THOC7: variants seen among roughly 807,000 people sequenced by gnomAD.
The protein encoded by THOC7 is NIF3L1-binding protein 1.
Under a neutral mutation model 33.1 loss-of-function variants are expected in THOC7, and 22 were observed. The observed-to-expected ratio is 0.66, with a 90% CI of 0.47 to 0.95. THOC7 has a LOEUF of 0.95. Ranked by LOEUF, THOC7 falls within the 40% of genes least tolerant of loss-of-function variation. The pLI, the probability that THOC7 is intolerant of heterozygous loss-of-function variation, is 0.00. For synonymous variants in THOC7, 77 were observed against 76.8 expected, an observed-to-expected ratio of 1.00 and a Z score of -0.01; for missense variants, 184 against 245.3, an observed-to-expected ratio of 0.75 and a Z score of 1.67.
rs1209685152 is a variant in THOC7 at position 63,860,184 on chromosome 3, G to A, written c.19+3588C>T. Among the ~76,000 whole-genome samples the A allele has an allele frequency of 2.0e-5, 3 of 151,780 alleles. No homozygotes were observed. In the East Asian group the frequency reaches 5.8e-4, roughly 29 times the overall value. ...GAGATGAGTAGCTGAGACTACAGGT[G>A]CACACCACCACACACGCCTGGCTAA... On this transcript the variant is annotated intron_variant, in intron 1 of 7. Transcript: ENST00000295899.
At chr3:63,852,653 G>A (rs1702040604) in intron 1 of THOC7, among the ~76,000 whole-genome samples, 1 of 152,170 alleles carries the variant, frequency 6.6e-6, no homozygotes, top group African/African-American at 2.4e-5. Context: ...GATTTTGGGA[G>A]TCACACCAGT....
At chr3:63,863,675 C>T in intron 1 of THOC7, 97 bp downstream of exon 1, 1 of 1,235,598 alleles carries the variant, frequency 8.1e-7, no homozygotes, top group Non-Finnish European at 1.0e-6. Flanking sequence ...GCCGGGGAGG[C>T]CGAGGGGTTC....
chr3:63,838,585 T>A, intron 2 of THOC7, 86 bp from the exon 3 acceptor site: 1 of 1,297,140 alleles, frequency 7.7e-7, no homozygotes, highest in Non-Finnish European at 1.1e-6. Context: ...TATTTGCTAA[T>A]TAAATTATAG....
At chr3:63,839,946 T>C (rs1191901236) in intron 1 of THOC7, among the ~76,000 whole-genome samples, 173 bp from the exon 2 acceptor site, 1 of 152,208 alleles carries the variant, frequency 6.6e-6, no homozygotes, top group Non-Finnish European at 1.5e-5. Context: ...AATTTTATGT[T>C]ATGCATAGTT....
chr3:63,863,900 AGGC>A, upstream of THOC7: 1 of 1,101,692 alleles, frequency 9.1e-7, no homozygotes, highest in African/African-American at 1.7e-5. Flanking sequence ...ATGGAGGAGG[AGGC>A]GGCGGCGCCC....
At chr3:63,856,193 G>T (rs1319890499) in intron 1 of THOC7, among the ~76,000 whole-genome samples, 1 of 152,022 alleles carries the variant, frequency 6.6e-6, no homozygotes, top group Non-Finnish European at 1.5e-5. Context: ...GCTAAAAATT[G>T]AAACAACTGA....
Position 63,838,535 on chromosome 3 carries a change from T to C in THOC7, c.138-36A>G, listed in dbSNP as rs764675681. On this transcript the variant is annotated intron_variant, in intron 2 of 7. Transcript: ENST00000295899. ...AGAAAGAAAACCAAAATAAAGATAT[T>C]TGTGGACTGACAAAAGTGAACTGTT... 2.5e-5 allele frequency: 40 copies of C among 1,569,818 alleles called. No individual in the cohort carries two copies. The highest frequency in any genetic ancestry group is 1.8e-4 in the East Asian group (8 of 43,278).
chr3:63,857,611 A>G lies in THOC7; in HGVS notation c.19+6161T>C, dbSNP rs188092652. 2.0e-5 allele frequency among the ~76,000 whole-genome samples: 3 copies of G among 152,304 alleles called. No homozygotes were observed. In the East Asian group the frequency reaches 5.8e-4, roughly 29 times the overall value. On this transcript the variant is annotated intron_variant, in intron 1 of 7. Transcript: ENST00000295899. ...CAAAAAGCTCAAAGCCATTAAAACA[A>G]TTTTTAAGGTCAACAATATTAAGGA... is the stretch of plus-strand genomic sequence containing the variant.
intron 1 of THOC7, among the ~76,000 whole-genome samples, chr3:63,856,884 A>G (rs976366739): frequency 1.3e-5 from 2 of 152,048 alleles, no homozygotes; most frequent in Admixed American, 6.6e-5. Flanking sequence ...CGCCCAGCTA[A>G]TTCTTTTGTA....
At chr3:63,858,435 T>C (rs1346330336) in intron 1 of THOC7, among the ~76,000 whole-genome samples, 3 of 152,096 alleles carry the variant, frequency 2.0e-5, no homozygotes, top group African/African-American at 7.2e-5. Context: ...AACAAGTACA[T>C]ATTCATGCAT....
chr3:63,856,793 C>A (rs1295595414), intron 1 of THOC7, among the ~76,000 whole-genome samples: 4 of 152,066 alleles, frequency 2.6e-5, no homozygotes, highest in Admixed American at 2.6e-4. Flanking sequence ...TCTCGGCTCA[C>A]TGCAAGCTCC....
At chr3:63,840,811 T>C (rs1050615598) in intron 1 of THOC7, among the ~76,000 whole-genome samples, 2 of 152,194 alleles carry the variant, frequency 1.3e-5, no homozygotes, top group African/African-American at 4.8e-5. Context: ...GCAAGGGTGT[T>C]AGAAAACTGC....
chr3:63,837,730 GA>G (rs1012841240), intron 4 of THOC7, among the ~76,000 whole-genome samples: 13 of 148,612 alleles, frequency 8.7e-5, no homozygotes, highest in African/African-American at 1.7e-4. Flanking sequence ...ACTGGGATAA[GA>G]AAAAAAAAGA....
chr3:63,839,089 T>C (rs1701699239), intron 2 of THOC7, among the ~76,000 whole-genome samples: 1 of 151,826 alleles, frequency 6.6e-6, no homozygotes, highest in Non-Finnish European at 1.5e-5. Flanking sequence ...ACTCAGGAGG[T>C]TGAGGCACGA....
intron 4 of THOC7, among the ~76,000 whole-genome samples, chr3:63,836,935 T>G (rs1005885755): frequency 6.6e-6 from 1 of 151,912 alleles, no homozygotes; most frequent in Non-Finnish European, 1.5e-5. Flanking sequence ...AAAAGCCTCA[T>G]TAACCAACGA....
At chr3:63,838,562 T>C (rs535463077) in intron 2 of THOC7, 63 bp from the exon 3 acceptor site, 294 of 1,451,412 alleles carry the variant, frequency 2.0e-4, no homozygotes, top group Admixed American at 9.9e-4. Flanking sequence ...TGAACTGTTA[T>C]AATGCAGACA....
At chr3:63,848,011 A>G (rs1159720803) in intron 1 of THOC7, among the ~76,000 whole-genome samples, 1 of 152,228 alleles carries the variant, frequency 6.6e-6, no homozygotes, top group Non-Finnish European at 1.5e-5. Context: ...ACATTAAAAC[A>G]GAGATCTTAA....
chr3:63,836,658 T>C (rs1419262307), intron 4 of THOC7, among the ~76,000 whole-genome samples: 1 of 151,994 alleles, frequency 6.6e-6, no homozygotes, highest in Non-Finnish European at 1.5e-5. Context: ...GATTATCAAA[T>C]AGACTGATTC....
At chr3:63,863,051 C>G (rs1702265858) in intron 1 of THOC7, 1 of 152,470 alleles carries the variant, frequency 6.6e-6, no homozygotes, top group Non-Finnish European at 1.5e-5. Context: ...CCTCCTTACC[C>G]CCGTAAATCT....
Sources: allele counts gnomAD v4.1 joint callset (sites outside exome capture counted in the v4.1 genomes callset), GRCh38; gene constraint gnomAD v4.1.1; transcripts MANE v1.5; gene names NCBI Gene and HGNC (gene_info 2026-07-23, HGNC 2026-07-21).